Variants in ZGPAT observed in about 807,000 individuals in gnomAD.
The protein encoded by ZGPAT is zinc finger CCCH-type and G-patch domain containing.
ZGPAT carries 39 observed loss-of-function variants against 47.9 expected under a neutral mutation model. That is an observed-to-expected ratio of 0.81 (90% CI 0.63 to 1.06). The LOEUF (loss-of-function observed/expected upper bound fraction) is 1.06, where lower values mean the gene tolerates loss of function less well. Among genes scored for constraint, ZGPAT ranks in the 50% least tolerant of loss-of-function variants. ZGPAT has a pLI of 0.00. For missense variants in ZGPAT, 717 were observed against 681.4 expected (o/e 1.05, Z -0.58); for synonymous variants, 348 against 292.9 (o/e 1.19, Z -1.92).
At chr20:63,733,520 C>G in intron 3 of ZGPAT, 67 bp from the exon 4 acceptor site, 1 of 1,612,650 alleles carries the variant, frequency 6.2e-7, no homozygotes, top group Non-Finnish European at 8.5e-7. Flanking sequence ...TCCTCATGTC[C>G]AGGGTGGTTC....
rs937068755 is a variant in ZGPAT, at chr20:63,729,026, C to T, written c.585-4193C>T. ...TTTGTCTAGTTTTAGATTATTTTTT[C>T]TTTTTTTCTTTTTTTTTTTTTTTGA... On this transcript the variant is annotated intron_variant, in intron 2 of 6. Coordinates refer to ENST00000355969, the MANE Select transcript of ZGPAT (RefSeq NM_181485.3). 1.9e-3 allele frequency among the ~76,000 whole-genome samples: 278 copies of T among 148,152 alleles called. 1 individual carries two copies. Among genetic ancestry groups the T allele is most frequent in the Non-Finnish European group, 3.3e-3 (222 of 67,234 alleles).
At position 63,709,068 on chromosome 20, in the gene ZGPAT, C is replaced by CG. The variant is rs2091618705; in HGVS notation, c.491dup (p.Val165CysfsTer27). 1 of 1,613,354 alleles carries CG rather than the reference C, an allele frequency of 6.2e-7. No individual in the cohort carries two copies. The highest frequency in any genetic ancestry group is 8.5e-7 in the Non-Finnish European group (1 of 1,180,006). ...ACGGAAGAGGCGGAGGATGGCTCGG[C>CG]GGGTGTCCGTGTGCTTTACCTGTAC... On this transcript the variant is annotated frameshift_variant, in exon 2 of 7. Coordinates refer to ENST00000355969, the MANE Select transcript of ZGPAT (RefSeq NM_181485.3). LOFTEE classifies it high-confidence loss of function.
intron 2 of ZGPAT, among the ~76,000 whole-genome samples, chr20:63,718,956 C>T (rs1218178080): frequency 1.3e-5 from 2 of 151,852 alleles, no homozygotes; most frequent in Non-Finnish European, 2.9e-5. Context: ...GTCCCAGCTA[C>T]TCGGGAAGCT....
chr20:63,733,116 G>C (rs907506896), intron 2 of ZGPAT, 103 bp from the exon 3 acceptor site: 2 of 1,481,888 alleles, frequency 1.3e-6, no homozygotes. Context: ...GTGTGTGTCT[G>C]TCTCCCTCAG....
chr20:63,734,941 G>C, intron 5 of ZGPAT, 117 bp downstream of exon 5: 1 of 1,391,890 alleles, frequency 7.2e-7, no homozygotes, highest in Admixed American at 2.8e-5. Context: ...CGCAGCCACA[G>C]CACTGCCATC....
Position 63,736,054 on chromosome 20 carries a change from G to C in ZGPAT, c.*135G>C. The C allele has an allele frequency of 3.8e-6, 5 of 1,317,552 alleles. No individual in the cohort carries two copies. The highest frequency in any genetic ancestry group is 5.1e-6 in the Non-Finnish European group (5 of 972,556). 81.6% of individuals were successfully genotyped at this position (1,317,552 alleles called of 1,614,324 possible). A position where few individuals can be genotyped will look rare whatever the true frequency, so the allele number is the denominator to read the frequency against. ...ACTGCTGAGTGGAGACAGAGCTGCG[G>C]GGTCCCATCTGGACACTTACTTGCC... is the stretch of plus-strand genomic sequence containing the variant. On this transcript the variant is annotated 3_prime_UTR_variant, in exon 7 of 7. Transcript: ENST00000355969.
At chr20:63,731,209 G>C (rs913637854) in intron 2 of ZGPAT, among the ~76,000 whole-genome samples, 3 of 152,130 alleles carry the variant, frequency 2.0e-5, no homozygotes, top group Non-Finnish European at 2.9e-5. Context: ...TCCAGCAGAG[G>C]CGATGGGACA....
intron 2 of ZGPAT, among the ~76,000 whole-genome samples, chr20:63,717,332 CTTTTTT>C (rs1173734420): frequency 3.3e-5 from 2 of 60,952 alleles, no homozygotes; most frequent in East Asian, 5.8e-4. Context: ...TTTTTCTTTT[CTTTTTT>C]TTTTTTTTTT....
At chr20:63,735,132 A>C in intron 5 of ZGPAT, 27 bp from the exon 6 acceptor site, 1 of 1,493,818 alleles carries the variant, frequency 6.7e-7, no homozygotes, top group South Asian at 1.4e-5. Context: ...CCGCAGCCAC[A>C]GCACTGCCAT....
intron 2 of ZGPAT, among the ~76,000 whole-genome samples, chr20:63,718,378 T>C (rs2091753768): frequency 6.6e-6 from 1 of 152,048 alleles, no homozygotes; most frequent in African/African-American, 2.4e-5. Context: ...TCGCCCAGGC[T>C]GGAGAATGGT....
intron 2 of ZGPAT, among the ~76,000 whole-genome samples, chr20:63,716,880 C>T (rs1406081890): frequency 6.6e-6 from 1 of 152,190 alleles, no homozygotes; most frequent in African/African-American, 2.4e-5. Flanking sequence ...TGGGATTTCA[C>T]CATGTTGGCC....
rs968502482 is a variant in ZGPAT, at chr20:63,735,346, T to C, written c.1179T>C (p.Asn393=). The change falls in exon 6 of 7, where the codon AAT becomes AAC. Residue 393 remains asparagine, a synonymous_variant. Coordinates refer to ENST00000355969, the MANE Select transcript of ZGPAT (RefSeq NM_181485.3). ...ARPGGRPAPR[N]VFDFLNEKLQ... ...CTGGGGGCCGCCCAGCTCCTCGGAA[T>C]GTGTTTGACTTCCTCAATGAAAAGC... The C allele has an allele frequency of 9.7e-6, 15 of 1,549,290 alleles. No homozygotes were observed. In the East Asian group the frequency reaches 3.0e-4, roughly 31 times the overall value.
chr20:63,724,506 A>G (rs1012178516), intron 2 of ZGPAT, among the ~76,000 whole-genome samples: 2 of 151,968 alleles, frequency 1.3e-5, no homozygotes, highest in African/African-American at 4.8e-5. Flanking sequence ...ACATAGCGAG[A>G]CTCCATCTCT....
intron 2 of ZGPAT, among the ~76,000 whole-genome samples, chr20:63,720,168 T>C (rs1265298644): frequency 6.6e-6 from 1 of 152,014 alleles, no homozygotes. Context: ...AATTTTCTTT[T>C]TTTTTTAGAT....
At chr20:63,719,161 A>T (rs1186760628) in intron 2 of ZGPAT, among the ~76,000 whole-genome samples, 1 of 151,910 alleles carries the variant, frequency 6.6e-6, no homozygotes, top group African/African-American at 2.4e-5. Flanking sequence ...TTATATATTG[A>T]CTAGTCACTT....
In ZGPAT at chr20:63,735,427, G is replaced by C. The variant is rs370133689; in HGVS notation, c.1260G>C (p.Arg420Ser). ...CCGGGGCGGCCCCAGCGGGGAGGAG[G>C]AGCAAGGACATGTACCATGCCAGCA... Reference protein sequence around the residue: ...LEAGAAPAGRRSKDMYHASKS... With the variant: ...LEAGAAPAGRSSKDMYHASKS... The change falls in exon 6 of 7, where the codon AGG becomes AGC. Residue 420 changes from arginine to serine, a missense_variant. Transcript: ENST00000355969. 1 of 1,574,194 alleles carries C rather than the reference G, an allele frequency of 6.4e-7. No homozygotes were observed. Among genetic ancestry groups the C allele is most frequent in the African/African-American group, 1.4e-5 (1 of 73,472 alleles).
chr20:63,720,018 A>T (rs1043848537), intron 2 of ZGPAT, among the ~76,000 whole-genome samples: 1 of 152,142 alleles, frequency 6.6e-6, no homozygotes, highest in Non-Finnish European at 1.5e-5. Context: ...CTGGGATTAC[A>T]GATGTGAGCC....
At chr20:63,715,891 A>G (rs570226711) in intron 2 of ZGPAT, among the ~76,000 whole-genome samples, 3 of 152,298 alleles carry the variant, frequency 2.0e-5, no homozygotes, top group East Asian at 1.9e-4. Context: ...TTTATTGACT[A>G]TTGATTCAAT....
chr20:63,711,670 C>T (rs2091669679), intron 2 of ZGPAT, among the ~76,000 whole-genome samples: 1 of 152,050 alleles, frequency 6.6e-6, no homozygotes, highest in African/African-American at 2.4e-5. Flanking sequence ...ATGACCTCCA[C>T]CTCCTGGGTT....
Sources: gnomAD v4.1 joint callset for allele counts (sites outside exome capture counted in the v4.1 genomes callset) on GRCh38, gnomAD v4.1.1 for gene constraint, MANE v1.5 for transcripts, NCBI Gene and HGNC (gene_info 2026-07-23, HGNC 2026-07-21) for gene names.